The following KALRN variants were observed in gnomAD, a reference collection of about 807,000 sequenced individuals.
The protein encoded by KALRN is kalirin.
A neutral mutation model predicts 353.7 loss-of-function variants in KALRN; 70 were observed. The observed-to-expected ratio is 0.20, with a 90% CI of 0.16 to 0.24. The LOEUF (loss-of-function observed/expected upper bound fraction) is 0.24, where lower values mean the gene tolerates loss of function less well. Among genes scored for constraint, KALRN ranks in the 10% least tolerant of loss-of-function variants. The pLI, the probability that KALRN is intolerant of heterozygous loss-of-function variation, is 1.00. For missense variants in KALRN, 2,791 were observed against 3,756.7 expected (o/e 0.74, Z 6.72); for synonymous variants, 1,391 against 1,434.8 (o/e 0.97, Z 0.69).
At chr3:124,518,275 G>GAAATACA (rs2066847894) in intron 33 of KALRN, 1 of 830,848 alleles carries the variant, frequency 1.2e-6, no homozygotes, top group Non-Finnish European at 2.1e-6. Context: ...CTCTGCACTG[G>GAAATACA]GTTACTAGAA....
intron 1 of KALRN, among the ~76,000 whole-genome samples, chr3:124,185,457 C>T (rs1315362493): frequency 6.6e-6 from 1 of 152,210 alleles, no homozygotes; most frequent in Non-Finnish European, 1.5e-5. Flanking sequence ...TCCTCTCTTC[C>T]CTGCTACCTT....
At chr3:124,448,463 T>C (rs1459127299) in intron 21 of KALRN, among the ~76,000 whole-genome samples, 1 of 152,234 alleles carries the variant, frequency 6.6e-6, no homozygotes, top group African/African-American at 2.4e-5. Flanking sequence ...TCAATTATTA[T>C]TTTATGCAGG....
At chr3:124,416,226 G>A (rs930247526) in intron 14 of KALRN, among the ~76,000 whole-genome samples, 17 of 152,192 alleles carry the variant, frequency 1.1e-4, no homozygotes, top group Admixed American at 4.6e-4. Context: ...ACTTACTACC[G>A]GGGTGCTGAT....
At chr3:124,251,743 A>T (rs1341605891) in intron 3 of KALRN, among the ~76,000 whole-genome samples, 1 of 152,188 alleles carries the variant, frequency 6.6e-6, no homozygotes, top group African/African-American at 2.4e-5. Flanking sequence ...ATTTGGATGC[A>T]GAGATCCCGC....
At chr3:124,146,274 A>G (rs1270151034) in intron 1 of KALRN, among the ~76,000 whole-genome samples, 1 of 152,260 alleles carries the variant, frequency 6.6e-6, no homozygotes, top group East Asian at 1.9e-4. Flanking sequence ...TGAGGAGCAC[A>G]GAAATAGAAA....
At chr3:124,495,990 T>TATATATATATAC (rs2063755680) in intron 32 of KALRN, among the ~76,000 whole-genome samples, 1 of 58,532 alleles carries the variant, frequency 1.7e-5, no homozygotes, top group Non-Finnish European at 3.1e-5. Flanking sequence ...TATATATATA[T>TATATATATATAC]ATATATATAT....
At position 124,446,258 on chromosome 3, in the gene KALRN, C is replaced by T. The variant is rs776467881; in HGVS notation, c.3411C>T (p.Phe1137=). The T allele has an allele frequency of 9.9e-6, 16 of 1,613,394 alleles. No homozygotes were observed. The highest frequency in any genetic ancestry group is 5.3e-5 in the African/African-American group (4 of 74,908). The change falls in exon 20 of 60, where the codon TTC becomes TTT. Residue 1137 remains phenylalanine (F), a synonymous_variant. Coordinates refer to ENST00000682506, the MANE Select transcript of KALRN (RefSeq NM_001388419.1). ...ACCAATGCCAGCAATATGTGGTGTT[C>T]GAGCGCAGCGCTAAGCAGGTTGTCC... ...RLDQCQQYVV[F]ERSAKQALDW...
intron 34 of KALRN, among the ~76,000 whole-genome samples, chr3:124,563,728 A>G (rs1055696269): frequency 6.6e-6 from 1 of 152,178 alleles, no homozygotes; most frequent in African/African-American, 2.4e-5. Context: ...TAAACTCCTC[A>G]TGACAGTGTT....
At chr3:124,602,451 T>A (rs1209726381) in intron 34 of KALRN, among the ~76,000 whole-genome samples, 1 of 152,180 alleles carries the variant, frequency 6.6e-6, no homozygotes, top group Non-Finnish European at 1.5e-5. Flanking sequence ...GGGAGATGGA[T>A]GGGTGCCAGC....
chr3:124,332,818 G>A (rs906575617), intron 8 of KALRN, among the ~76,000 whole-genome samples: 2 of 152,176 alleles, frequency 1.3e-5, no homozygotes, highest in African/African-American at 4.8e-5. Flanking sequence ...CTCGTATAGA[G>A]CGAGAGCAAA....
At chr3:124,147,133 C>T (rs917199327) in intron 1 of KALRN, among the ~76,000 whole-genome samples, 1 of 152,180 alleles carries the variant, frequency 6.6e-6, no homozygotes, top group African/African-American at 2.4e-5. Context: ...CAGGTTATCA[C>T]AGCTAGTGAG....
At chr3:124,290,475 GCAGA>G (rs1369838995) in intron 5 of KALRN, among the ~76,000 whole-genome samples, 1 of 152,174 alleles carries the variant, frequency 6.6e-6, no homozygotes, top group African/African-American at 2.4e-5. Flanking sequence ...GGCAGTAGGG[GCAGA>G]ACACACTTCT....
chr3:124,490,600 A>G, intron 29 of KALRN, 94 bp from the exon 30 acceptor site: 1 of 1,178,082 alleles, frequency 8.5e-7, no homozygotes, highest in Admixed American at 2.3e-5. Flanking sequence ...AAGACTAACA[A>G]TAAGAGAGGC....
At chr3:124,135,928 C>T (rs183439384) in intron 1 of KALRN, among the ~76,000 whole-genome samples, 205 of 152,320 alleles carry the variant, frequency 1.3e-3, no homozygotes, top group African/African-American at 4.7e-3. Flanking sequence ...CTTCAAGGGA[C>T]TGTTACATTC....
chr3:124,435,874 G>C (rs2093442921), intron 17 of KALRN, among the ~76,000 whole-genome samples: 2 of 152,160 alleles, frequency 1.3e-5, no homozygotes, highest in Non-Finnish European at 2.9e-5. Flanking sequence ...AAATGCAAAT[G>C]CAAAGAATAC....
chr3:124,148,157 T>G (rs2067612584), intron 1 of KALRN, among the ~76,000 whole-genome samples: 1 of 152,142 alleles, frequency 6.6e-6, no homozygotes, highest in African/African-American at 2.4e-5. Flanking sequence ...CTACTGGTTG[T>G]GTTTAGTCAG....
intron 1 of KALRN, among the ~76,000 whole-genome samples, chr3:124,115,099 TA>T (rs959119843): frequency 2.0e-5 from 3 of 152,068 alleles, no homozygotes; most frequent in Non-Finnish European, 4.4e-5. Context: ...AAAGGATGGG[TA>T]AAAGTTGGGC....
chr3:124,624,133 C>T (rs1471948294), intron 34 of KALRN, among the ~76,000 whole-genome samples: 7 of 152,190 alleles, frequency 4.6e-5, no homozygotes, highest in African/African-American at 1.7e-4. Context: ...CCGTCCTGCC[C>T]AGGATGTGAA....
At chr3:124,093,163 C>T (rs1029695558) in intron 1 of KALRN, among the ~76,000 whole-genome samples, 1 of 152,146 alleles carries the variant, frequency 6.6e-6, no homozygotes, top group Non-Finnish European at 1.5e-5. Context: ...TGCTCCTACC[C>T]CCTGGACGTG....
Sources: allele counts gnomAD v4.1 joint callset (sites outside exome capture counted in the v4.1 genomes callset), GRCh38; gene constraint gnomAD v4.1.1; transcripts MANE v1.5; gene names NCBI Gene and HGNC (gene_info 2026-07-23, HGNC 2026-07-21).